Variants in FBXL14 observed in about 807,000 individuals in gnomAD.
FBXL14 encodes the protein F-box/LRR-repeat protein 14.
In FBXL14, 11 loss-of-function variants were observed where a neutral mutation model predicts 24.5. That is an observed-to-expected ratio of 0.45 (90% CI 0.28 to 0.74). The LOEUF (loss-of-function observed/expected upper bound fraction) is 0.74. Among genes scored for constraint, FBXL14 ranks in the 30% least tolerant of loss-of-function variants. FBXL14 has a pLI of 0.12. For missense variants in FBXL14, 384 were observed against 545.6 expected, an observed-to-expected ratio of 0.70 and a Z score of 2.95; for synonymous variants, 294 against 240.4, an observed-to-expected ratio of 1.22 and a Z score of -2.06.
rs1565591940 is a variant in FBXL14 at position 1,593,061 on chromosome 12, T to C, written c.1006A>G (p.Asn336Asp). Reference protein sequence around the residue: ...VRQMHGLRTLNIGQCVRITDK... With the variant: ...VRQMHGLRTLDIGQCVRITDK... Reference sequence around the variant, plus strand: ...GTGATGCGCACACACTGTCCAATGTTGAGCGTGCGCAGCCCGTGCATCTGC... The same window carrying C: ...GTGATGCGCACACACTGTCCAATGTCGAGCGTGCGCAGCCCGTGCATCTGC... The change falls in exon 1 of 2, where the codon AAC becomes GAC. Residue 336 changes from asparagine to aspartate, a missense_variant. Physicochemically the swap from Asn to Asp is conservative, Grantham distance 23. Coordinates refer to ENST00000339235, the MANE Select transcript of FBXL14 (RefSeq NM_152441.3). The surrounding 1 kb of genome is among the most constrained non-coding windows in gnomAD (Gnocchi z 7.4). 14 of 1,612,786 alleles carry C rather than the reference T, an allele frequency of 8.7e-6. No individual in the cohort carries two copies. The highest frequency in any genetic ancestry group is 1.1e-5 in the Non-Finnish European group (13 of 1,180,020).
At chr12:1,576,137 A>T (rs2094455500) in intron 1 of FBXL14, among the ~76,000 whole-genome samples, 1 of 152,190 alleles carries the variant, frequency 6.6e-6, no homozygotes, top group Non-Finnish European at 1.5e-5. Flanking sequence ...ATTACTGCAG[A>T]TGAAGCAGGG....
At position 1,566,690 on chromosome 12, in the gene FBXL14, G is replaced by C. The variant is rs1417266224; in HGVS notation, c.*58C>G. 1.3e-6 allele frequency: 1 copy of C among 779,372 alleles called. No homozygotes were observed. Among genetic ancestry groups the C allele is most frequent in the Non-Finnish European group, 2.4e-6 (1 of 417,304 alleles). 48.3% of individuals were successfully genotyped at this position (779,372 alleles called of 1,614,324 possible). A position where few individuals can be genotyped will look rare whatever the true frequency, so the allele number is the denominator to read the frequency against. On this transcript the variant is annotated 3_prime_UTR_variant, in exon 2 of 2. Transcript: ENST00000339235. Reference sequence around the variant, plus strand: ...TCATCACCAGAGTGCCGGAGGCGCAGAGCGGGCAAGTCTGGAAGTTAAAGA... The same window carrying C: ...TCATCACCAGAGTGCCGGAGGCGCACAGCGGGCAAGTCTGGAAGTTAAAGA...
At chr12:1,591,946 A>T (rs1301659142) in intron 1 of FBXL14, among the ~76,000 whole-genome samples, 2 of 152,084 alleles carry the variant, frequency 1.3e-5, no homozygotes, top group African/African-American at 4.8e-5. Flanking sequence ...ATAAATTAAG[A>T]TTTAGAAATA....
At chr12:1,573,873 C>T (rs974375964) in intron 1 of FBXL14, among the ~76,000 whole-genome samples, 5 of 152,086 alleles carry the variant, frequency 3.3e-5, no homozygotes, top group Admixed American at 1.3e-4. Flanking sequence ...GGCGTGGTGG[C>T]GCATGCCTGT....
intron 1 of FBXL14, among the ~76,000 whole-genome samples, chr12:1,591,020 C>G (rs1333781273): frequency 6.6e-6 from 1 of 152,230 alleles, no homozygotes; most frequent in Non-Finnish European, 1.5e-5. Flanking sequence ...CAAAGAAAAA[C>G]TGGCCACTCG....
intron 1 of FBXL14, among the ~76,000 whole-genome samples, chr12:1,591,575 C>A (rs1205624841): frequency 6.6e-6 from 1 of 152,122 alleles, no homozygotes; most frequent in Non-Finnish European, 1.5e-5. Flanking sequence ...AAAAATCCAA[C>A]GAAAATATAC....
intron 1 of FBXL14, chr12:1,587,526 C>T (rs938762625): frequency 6.6e-6 from 1 of 152,114 alleles, no homozygotes; most frequent in African/African-American, 2.4e-5. Context: ...CAGGCAAAAT[C>T]AGAGCAATCC....
chr12:1,587,001 GC>G (rs1462900352), intron 1 of FBXL14, among the ~76,000 whole-genome samples: 11 of 152,072 alleles, frequency 7.2e-5, no homozygotes, highest in African/African-American at 2.7e-4. Context: ...ACTTTGGGAG[GC>G]CGAGGCGGGC....
chr12:1,580,633 T>C (rs1054758857), intron 1 of FBXL14, among the ~76,000 whole-genome samples: 27 of 152,272 alleles, frequency 1.8e-4, no homozygotes, highest in African/African-American at 6.5e-4. Flanking sequence ...TCCACTTGAT[T>C]AGAGGCCTTT....
intron 1 of FBXL14, among the ~76,000 whole-genome samples, chr12:1,574,005 C>CA (rs1458813567): frequency 7.2e-5 from 9 of 125,572 alleles, no homozygotes; most frequent in South Asian, 2.6e-4. Context: ...AACTCCGTCT[C>CA]AAAAAAAAGA....
At position 1,585,935 on chromosome 12, in the gene FBXL14, C is replaced by T. The variant is rs2094475623; in HGVS notation, c.1194+6938G>A. ...TTCCTAGCTTTGAAGCTCTCATGAG[C>T]ATGTACTTCCAGCATTAGTATTCTG... is the stretch of plus-strand genomic sequence containing the variant. On this transcript the variant is annotated intron_variant, in intron 1 of 1. Coordinates refer to ENST00000339235, the MANE Select transcript of FBXL14 (RefSeq NM_152441.3). Among the ~76,000 whole-genome samples, 3 of 152,190 alleles carry T rather than the reference C, an allele frequency of 2.0e-5. No homozygotes were observed. The South Asian group carries it at 6.2e-4, about 31-fold the overall frequency.
intron 1 of FBXL14, among the ~76,000 whole-genome samples, chr12:1,571,839 C>T (rs2094446016): frequency 6.6e-6 from 1 of 152,226 alleles, no homozygotes; most frequent in Non-Finnish European, 1.5e-5. Flanking sequence ...AACTCCAGAT[C>T]TTCCCATCTC....
chr12:1,583,542 C>T (rs1019977303), intron 1 of FBXL14, among the ~76,000 whole-genome samples: 7 of 152,172 alleles, frequency 4.6e-5, no homozygotes, highest in Non-Finnish European at 4.4e-5. Flanking sequence ...TCAACTCTTA[C>T]GCCTGGAGGA....
At chr12:1,590,016 C>CA (rs2094485909) in intron 1 of FBXL14, among the ~76,000 whole-genome samples, 1 of 152,234 alleles carries the variant, frequency 6.6e-6, no homozygotes, top group African/African-American at 2.4e-5. Context: ...TCTGTACAGC[C>CA]ATGCAGTCTC....
chr12:1,585,841 T>C (rs1410206870), intron 1 of FBXL14, among the ~76,000 whole-genome samples: 1 of 152,264 alleles, frequency 6.6e-6, no homozygotes, highest in Non-Finnish European at 1.5e-5. Flanking sequence ...GCTAGAGTTT[T>C]TGCAACTTGA....
At chr12:1,568,661 A>G (rs903393262) in intron 1 of FBXL14, among the ~76,000 whole-genome samples, 3 of 152,180 alleles carry the variant, frequency 2.0e-5, no homozygotes, top group Non-Finnish European at 4.4e-5. Flanking sequence ...TGGTGTTGTT[A>G]TAAGAAACTC....
At chr12:1,581,228 C>T (rs2094465698) in intron 1 of FBXL14, among the ~76,000 whole-genome samples, 1 of 151,912 alleles carries the variant, frequency 6.6e-6, no homozygotes, top group Admixed American at 6.6e-5. Context: ...GGTGGGTGTG[C>T]TGGTAGCAGC....
chr12:1,568,885 G>A (rs1017609711), intron 1 of FBXL14, among the ~76,000 whole-genome samples: 6 of 152,028 alleles, frequency 3.9e-5, no homozygotes, highest in Admixed American at 3.9e-4. Flanking sequence ...GTCATAGTGG[G>A]TCAAAAAATA....
At chr12:1,591,536 G>A (rs1340026777) in intron 1 of FBXL14, among the ~76,000 whole-genome samples, 2 of 152,028 alleles carry the variant, frequency 1.3e-5, no homozygotes. Flanking sequence ...CTTGCATGTT[G>A]CTGTGGAGGG....
Sources: gnomAD v4.1 joint callset for allele counts (sites outside exome capture counted in the v4.1 genomes callset) on GRCh38, gnomAD v4.1.1 for gene constraint, Gnocchi (gnomAD v3.1) non-coding constraint, MANE v1.5 for transcripts, NCBI Gene and HGNC (gene_info 2026-07-23, HGNC 2026-07-21) for gene names.